Variants in SLIT2 observed in about 807,000 individuals in gnomAD.
The protein encoded by SLIT2 is slit homolog 2 protein.
In SLIT2, 41 loss-of-function variants were observed where a neutral mutation model predicts 185.7. The observed-to-expected ratio is 0.22, with a 90% CI of 0.17 to 0.29. The LOEUF (loss-of-function observed/expected upper bound fraction) is 0.29, where lower values mean the gene tolerates loss of function less well. Ranked by LOEUF, SLIT2 falls within the 10% of genes least tolerant of loss-of-function variation. The pLI, the probability that SLIT2 is intolerant of heterozygous loss-of-function variation, is 1.00. For missense variants in SLIT2, 1,571 were observed against 1,909.0 expected (o/e 0.82, Z 3.30); for synonymous variants, 693 against 680.2 (o/e 1.02, Z -0.29).
chr4:20,539,685 G>T, intron 19 of SLIT2, 101 bp downstream of exon 19: 1 of 795,454 alleles, frequency 1.3e-6, no homozygotes, highest in Non-Finnish European at 1.8e-6. Context: ...TGTGATCAAG[G>T]GTTTTAGGAC....
Position 20,351,239 on chromosome 4 carries a change from G to A in SLIT2, c.395+82358G>A, listed in dbSNP as rs565326798. Among the ~76,000 whole-genome samples, 3 of 152,010 alleles carry A rather than the reference G, an allele frequency of 2.0e-5. No homozygotes were observed. The East Asian group carries it at 5.8e-4, about 30-fold the overall frequency. On this transcript the variant is annotated intron_variant, in intron 4 of 36. Transcript: ENST00000504154. Reference sequence around the variant, plus strand: ...AATTTTTGTATTTTTAGTAGAAACGGAGTTTTGCCATGTTGGCCAGGCTGG... The same window carrying A: ...AATTTTTGTATTTTTAGTAGAAACGAAGTTTTGCCATGTTGGCCAGGCTGG...
chr4:20,408,009 A>G (rs1456128838), intron 4 of SLIT2, among the ~76,000 whole-genome samples: 1 of 152,210 alleles, frequency 6.6e-6, no homozygotes, highest in East Asian at 1.9e-4. Context: ...AGAAAAGCAG[A>G]GAAAAAATGC....
intron 4 of SLIT2, among the ~76,000 whole-genome samples, chr4:20,308,837 T>C (rs1717817924): frequency 6.6e-6 from 1 of 152,172 alleles, no homozygotes; most frequent in African/African-American, 2.4e-5. Flanking sequence ...CAAACAAACA[T>C]ATATTTACCT....
chr4:20,325,875 A>G (rs930523363), intron 4 of SLIT2, among the ~76,000 whole-genome samples: 19 of 152,158 alleles, frequency 1.2e-4, no homozygotes, highest in African/African-American at 3.9e-4. Context: ...TATACATGCA[A>G]TGTGACCAAT....
chr4:20,576,815 G>A (rs748509390), intron 29 of SLIT2, among the ~76,000 whole-genome samples: 59 of 152,152 alleles, frequency 3.9e-4, no homozygotes, highest in Non-Finnish European at 7.8e-4. Context: ...GCCTAAGCAA[G>A]TCTTATTCAA....
intron 4 of SLIT2, among the ~76,000 whole-genome samples, chr4:20,383,318 T>C (rs1724678738): frequency 6.6e-6 from 1 of 152,156 alleles, no homozygotes; most frequent in African/African-American, 2.4e-5. Flanking sequence ...ATTTTAAAAA[T>C]ACATATCTGA....
In SLIT2 at chr4:20,488,944, A is replaced by G; in HGVS notation, c.737A>G (p.Asn246Ser). 1 of 1,611,564 alleles carries G rather than the reference A, an allele frequency of 6.2e-7. No homozygotes were observed. The highest frequency in any genetic ancestry group is 8.5e-7 in the Non-Finnish European group (1 of 1,178,012). Reference sequence around the variant, plus strand: ...GGCCCCTCCCACCTGAGAGGCCATAATGTAGCCGAGGTTCAAAAACGAGAA... The same window carrying G: ...GGCCCCTCCCACCTGAGAGGCCATAGTGTAGCCGAGGTTCAAAAACGAGAA... ...CMGPSHLRGH[N>S]VAEVQKREFV... Residue 246 changes from asparagine to serine, a missense_variant, in exon 8 of 37, where the codon AAT becomes AGT. Coordinates refer to ENST00000504154, the MANE Select transcript of SLIT2 (RefSeq NM_004787.4).
chr4:20,568,926 G>A lies in SLIT2; in HGVS notation c.3010G>A (p.Asp1004Asn). Residue 1004 changes from aspartate (D) to asparagine (N), a missense_variant, in exon 29 of 37, where the codon GAT (aspartate) becomes AAT (asparagine). Asp to Asn is a conservative substitution (Grantham distance 23). Coordinates refer to ENST00000504154, the MANE Select transcript of SLIT2 (RefSeq NM_004787.4). ...TGAAGTCAACGTTGATGATTGTGAAGATAATGACTGTGAAAATAATTCTAC... is the reference window on the plus strand; with the variant it reads ...TGAAGTCAACGTTGATGATTGTGAAAATAATGACTGTGAAAATAATTCTAC... Reference protein sequence around the residue: ...NCEVNVDDCEDNDCENNSTCV... With the variant: ...NCEVNVDDCENNDCENNSTCV... 6.2e-7 allele frequency: 1 copy of A among 1,612,210 alleles called. No homozygotes were observed. The highest frequency in any genetic ancestry group is 8.5e-7 in the Non-Finnish European group (1 of 1,178,518).
chr4:20,460,102 G>T lies in SLIT2; in HGVS notation c.396-7650G>T, dbSNP rs180722616. Among the ~76,000 whole-genome samples the T allele has an allele frequency of 6.6e-5, 10 of 152,108 alleles. No homozygotes were observed. In the East Asian group the frequency reaches 1.9e-3, roughly 30 times the overall value. On this transcript the variant is annotated intron_variant, in intron 4 of 36. Transcript: ENST00000504154. ...TGGTCTCGAACTCCTGACCTCAGGTGATCCACCCACCTCAGCCTCCCAAAG... is the reference window on the plus strand; with the variant it reads ...TGGTCTCGAACTCCTGACCTCAGGTTATCCACCCACCTCAGCCTCCCAAAG...
Position 20,606,410 on chromosome 4 carries a change from A to G in SLIT2, c.3693-3603A>G, listed in dbSNP as rs372028415. Among the ~76,000 whole-genome samples the G allele has an allele frequency of 6.6e-5, 10 of 151,816 alleles. No homozygotes were observed. In the East Asian group the frequency reaches 1.2e-3, roughly 18 times the overall value. On this transcript the variant is annotated intron_variant, in intron 33 of 36. Transcript: ENST00000504154. The stretch of plus-strand genomic sequence containing the variant: ...GGCAGCAGGATCACTTGAGTCCAGG[A>G]GGCTGAGGCTGCAGTGAGCCGTAAT...
At chr4:20,273,020 A>G (rs1400860896) in intron 4 of SLIT2, among the ~76,000 whole-genome samples, 3 of 152,144 alleles carry the variant, frequency 2.0e-5, no homozygotes, top group African/African-American at 7.2e-5. Context: ...ATTATCTCTC[A>G]GATAGGATTT....
intron 4 of SLIT2, among the ~76,000 whole-genome samples, chr4:20,320,582 C>A (rs577508121): frequency 3.2e-4 from 48 of 152,214 alleles, no homozygotes; most frequent in Admixed American, 2.4e-3. Flanking sequence ...ATCTGATAGT[C>A]TCTTCAGCCA....
In SLIT2 at chr4:20,567,361, G is replaced by A. The variant is rs752129779; in HGVS notation, c.2825G>A (p.Arg942Gln). The change falls in exon 27 of 37, where the codon CGA becomes CAA. Residue 942 changes from arginine to glutamine, a missense_variant. Transcript: ENST00000504154. ...AATAGTGATCCAGTTGACTTTTACCGATGCACCTGTCCATATGGTTTCAAG... is the reference window on the plus strand; with the variant it reads ...AATAGTGATCCAGTTGACTTTTACCAATGCACCTGTCCATATGGTTTCAAG... ...TCNSDPVDFY[R>Q]CTCPYGFKGQ... The A allele has an allele frequency of 2.0e-5, 33 of 1,613,074 alleles. 1 individual carries two copies. Among genetic ancestry groups the A allele is most frequent in the Admixed American group, 5.0e-5 (3 of 59,928 alleles).
At position 20,539,565 on chromosome 4, in the gene SLIT2, C is replaced by T; in HGVS notation, c.1957C>T (p.Leu653Phe). ...TTVAPGAFDT[L>F]HSLSTLNLLA... is the part of the protein sequence containing the mutation. Reference sequence around the variant, plus strand: ...AGTTGCACCAGGGGCATTTGATACTCTCCATTCTTTATCTACTCTGTAAGT... The same window carrying T: ...AGTTGCACCAGGGGCATTTGATACTTTCCATTCTTTATCTACTCTGTAAGT... The change falls in exon 19 of 37, where the codon CTC (leucine) becomes TTC (phenylalanine). Residue 653 changes from leucine to phenylalanine, a missense_variant. By Grantham distance (22) the Leu-to-Phe change is conservative. Around this residue, in one of 3 missense-constraint regions of SLIT2, gnomAD observed 1,202 missense variants for 1,416.4 expected, o/e 0.85. Coordinates refer to ENST00000504154, the MANE Select transcript of SLIT2 (RefSeq NM_004787.4). 1 of 1,610,912 alleles carries T rather than the reference C, an allele frequency of 6.2e-7. No homozygotes were observed. Among genetic ancestry groups the T allele is most frequent in the Non-Finnish European group, 8.5e-7 (1 of 1,177,508 alleles).
At chr4:20,257,140 AT>A (rs1261978151) in intron 2 of SLIT2, among the ~76,000 whole-genome samples, 2 of 152,046 alleles carry the variant, frequency 1.3e-5, no homozygotes, top group Non-Finnish European at 2.9e-5. Flanking sequence ...AAGGATTCTT[AT>A]TTTTTTGCGA....
chr4:20,333,180 G>C (rs1720212334), intron 4 of SLIT2, among the ~76,000 whole-genome samples: 1 of 152,092 alleles, frequency 6.6e-6, no homozygotes, highest in Non-Finnish European at 1.5e-5. Flanking sequence ...AAGCTTTATA[G>C]CGTGCTTTTA....
intron 4 of SLIT2, among the ~76,000 whole-genome samples, chr4:20,317,442 C>A (rs1718702654): frequency 1.3e-5 from 2 of 151,956 alleles, no homozygotes; most frequent in African/African-American, 2.4e-5. Flanking sequence ...GAAATACATT[C>A]AATTATCTGA....
chr4:20,619,189 G>C lies in SLIT2; in HGVS notation c.*180G>C, dbSNP rs904224715. 1 of 599,754 alleles carries C rather than the reference G, an allele frequency of 1.7e-6. No homozygotes were observed. Among genetic ancestry groups the C allele is most frequent in the Non-Finnish European group, 2.7e-6 (1 of 369,650 alleles). The allele number at this position is 599,754 out of a possible 1,614,324, so 37.2% of individuals were successfully genotyped here. A position where few individuals can be genotyped will look rare whatever the true frequency, so the allele number is the denominator to read the frequency against. On this transcript the variant is annotated 3_prime_UTR_variant, in exon 37 of 37. Transcript: ENST00000504154. ...TGGAAAAAAAAAAAAAGAAATGCTT[G>C]AACTAAAGCTTCCCCTATGCTGGAG...
chr4:20,580,095 G>A (rs1726429250), intron 29 of SLIT2, among the ~76,000 whole-genome samples: 1 of 145,504 alleles, frequency 6.9e-6, no homozygotes, highest in Admixed American at 7.1e-5. Flanking sequence ...TTGAGACCGT[G>A]TCTGGCCTAG....
Sources: gnomAD v4.1 joint callset for allele counts (sites outside exome capture counted in the v4.1 genomes callset) on GRCh38, gnomAD v4.1.1 for gene constraint, gnomAD v4.1.1 regional missense constraint, MANE v1.5 for transcripts, NCBI Gene and HGNC (gene_info 2026-07-23, HGNC 2026-07-21) for gene names.